Variants in STK3 observed in about 807,000 individuals in gnomAD.
The protein encoded by STK3 is serine/threonine kinase 3.
STK3 carries 41 observed loss-of-function variants against 58.0 expected under a neutral mutation model. The observed-to-expected ratio is 0.71, with a 90% CI of 0.55 to 0.92. The LOEUF (loss-of-function observed/expected upper bound fraction) is 0.92, where lower values mean the gene tolerates loss of function less well. Among genes scored for constraint, STK3 ranks in the 40% least tolerant of loss-of-function variants. The pLI is 0.00. For missense variants in STK3, 479 were observed against 602.7 expected (o/e 0.79, Z 2.15); for synonymous variants, 170 against 191.0 (o/e 0.89, Z 0.91).
chr8:98,723,518 C>T (rs1485862853), intron 4 of STK3, among the ~76,000 whole-genome samples: 2 of 152,104 alleles, frequency 1.3e-5, no homozygotes, highest in African/African-American at 2.4e-5. Flanking sequence ...AATACATATA[C>T]TGCCTTAATG....
intron 3 of STK3, among the ~76,000 whole-genome samples, chr8:98,417,842 A>G (rs970735254): frequency 2.6e-5 from 4 of 152,352 alleles, no homozygotes; most frequent in African/African-American, 9.6e-5. Context: ...TTCCTGTGGC[A>G]GCCCCCCAGG....
intron 1 of STK3, among the ~76,000 whole-genome samples, chr8:98,940,837 C>A (rs1428733876): frequency 1.3e-5 from 2 of 152,252 alleles, no homozygotes; most frequent in African/African-American, 4.8e-5. Context: ...CAGAAACCCA[C>A]CAGGAGAAAA....
chr8:98,588,054 T>C (rs11781940), intron 7 of STK3, among the ~76,000 whole-genome samples: 3,569 of 152,284 alleles, frequency 0.023, 70 homozygotes, highest in Middle Eastern at 0.088. Context: ...CTTTATCCAA[T>C]TTGCCAGTCT....
chr8:98,684,159 A>G (rs1008753949), intron 6 of STK3, among the ~76,000 whole-genome samples: 2 of 152,200 alleles, frequency 1.3e-5, no homozygotes, highest in Non-Finnish European at 2.9e-5. Flanking sequence ...GTTTTTCATC[A>G]TTAGAAAAGA....
chr8:98,825,434 C>T (rs1200416966), intron 1 of STK3, 81 bp downstream of exon 1: 21 of 1,310,214 alleles, frequency 1.6e-5, no homozygotes, highest in Admixed American at 3.5e-5. Context: ...GAGAGGCTCG[C>T]AGCAGGGCCT....
chr8:98,466,362 T>C (rs1475955645), intron 10 of STK3, among the ~76,000 whole-genome samples: 2 of 152,246 alleles, frequency 1.3e-5, no homozygotes, highest in Non-Finnish European at 2.9e-5. Context: ...CTTTCGGCTA[T>C]GCAAAGTCAA....
intron 8 of STK3, among the ~76,000 whole-genome samples, chr8:98,559,623 C>T (rs1811857983): frequency 2.6e-5 from 4 of 152,146 alleles, no homozygotes; most frequent in Non-Finnish European, 5.9e-5. Flanking sequence ...CCTTGGGATT[C>T]AGACCGCTGT....
At chr8:98,546,818 C>A (rs1810736061) in intron 9 of STK3, among the ~76,000 whole-genome samples, 1 of 152,154 alleles carries the variant, frequency 6.6e-6, no homozygotes, top group South Asian at 2.1e-4. Flanking sequence ...ACTCCACCCC[C>A]AGGATTATGG....
rs34109020 is a variant in STK3 at position 98,485,241 on chromosome 8, C to CAA, written c.1318-29243_1318-29242dup. Among the ~76,000 whole-genome samples the CAA allele has an allele frequency of 9.7e-3, 1,425 of 147,070 alleles. 9 individuals carry two copies. Among genetic ancestry groups the CAA allele is most frequent in the Non-Finnish European group, 0.015 (976 of 66,512 alleles). On this transcript the variant is annotated intron_variant, in intron 10 of 10. Coordinates refer to ENST00000419617, the MANE Select transcript of STK3 (RefSeq NM_006281.4). ...GGGCAAAATGAGGGAAACTGCGTCT[C>CAA]AAAAAAAAAAAATGTATTTATAAAT...
intron 7 of STK3, among the ~76,000 whole-genome samples, chr8:98,584,097 T>A (rs1814212113): frequency 6.6e-6 from 1 of 152,060 alleles, no homozygotes; most frequent in African/African-American, 2.4e-5. Context: ...TTTAAAGTTT[T>A]TTTTTCTTTT....
intron 6 of STK3, among the ~76,000 whole-genome samples, chr8:98,631,454 T>G (rs1473138921): frequency 6.6e-6 from 1 of 152,196 alleles, no homozygotes; most frequent in African/African-American, 2.4e-5. Context: ...ACACATCAGT[T>G]TACTCTGACT....
intron 1 of STK3, among the ~76,000 whole-genome samples, chr8:98,796,522 A>G (rs957072452): frequency 6.6e-6 from 1 of 152,222 alleles, no homozygotes; most frequent in African/African-American, 2.4e-5. Flanking sequence ...ATCCCAGAAG[A>G]AAAAAGAGGA....
rs559168137 is a variant in STK3 at position 98,838,126 on chromosome 8, C to T, written c.110+45521G>A. ...GATGTGGTAGGGCACACCTTTAGTA[C>T]GAGCTACTCGAGAGACTGAGGCAGA... On this transcript the variant is annotated intron_variant, in intron 3 of 12. Transcript: ENST00000523601. 8.8e-5 allele frequency among the ~76,000 whole-genome samples: 13 copies of T among 147,088 alleles called. No homozygotes were observed. In the South Asian group the frequency reaches 1.1e-3, roughly 12 times the overall value.
the STK3 span, among the ~76,000 whole-genome samples, chr8:98,361,843 C>G: frequency 1.3e-5 from 2 of 152,148 alleles, no homozygotes; most frequent in Admixed American, 1.3e-4. Flanking sequence ...AACATGTGGC[C>G]TTGTGGCTTC....
intron 2 of STK3, among the ~76,000 whole-genome samples, chr8:98,768,136 G>A (rs962651654): frequency 6.6e-6 from 1 of 152,152 alleles, no homozygotes; most frequent in Admixed American, 6.5e-5. Flanking sequence ...TATGTACTGA[G>A]TTCTTACTAT....
chr8:98,431,490 T>C (rs1818328709), intron 3 of STK3: 1 of 167,126 alleles, frequency 6.0e-6, no homozygotes, highest in African/African-American at 2.4e-5. Context: ...GCATAACATT[T>C]ACGGACTCAT....
intron 6 of STK3, among the ~76,000 whole-genome samples, chr8:98,635,574 T>C (rs1199564911): frequency 6.6e-6 from 1 of 152,166 alleles, no homozygotes; most frequent in Non-Finnish European, 1.5e-5. Flanking sequence ...TTTTGGTTAC[T>C]AACTTAATCT....
At chr8:98,690,629 A>G (rs1824334268) in intron 6 of STK3, among the ~76,000 whole-genome samples, 1 of 152,220 alleles carries the variant, frequency 6.6e-6, no homozygotes, top group South Asian at 2.1e-4. Flanking sequence ...GCCCAAAGCA[A>G]TCTACAGATT....
intron 1 of STK3, among the ~76,000 whole-genome samples, chr8:98,384,207 G>T (rs895843341): frequency 1.3e-5 from 2 of 152,136 alleles, no homozygotes; most frequent in East Asian, 3.9e-4. Context: ...ACTACCTCTG[G>T]TCACAGGCCA....
Sources: allele counts gnomAD v4.1 joint callset (sites outside exome capture counted in the v4.1 genomes callset), GRCh38; gene constraint gnomAD v4.1.1; transcripts MANE v1.5; gene names NCBI Gene and HGNC (gene_info 2026-07-23, HGNC 2026-07-21).